The following ATRNL1 variants were observed in gnomAD, a reference collection of about 807,000 sequenced individuals.
The protein encoded by ATRNL1 is attractin-like protein 1.
ATRNL1 carries 95 observed loss-of-function variants against 182.7 expected under a neutral mutation model. The ratio of observed to expected loss-of-function variants is 0.52; its 90% CI spans 0.44 to 0.62. ATRNL1 has a LOEUF of 0.62. Among genes scored for constraint, ATRNL1 ranks in the 20% least tolerant of loss-of-function variants. ATRNL1 has a pLI of 0.00. For synonymous variants in ATRNL1, 576 were observed against 568.3 expected, an observed-to-expected ratio of 1.01 and a Z score of -0.19; for missense variants, 1,471 against 1,679.5, an observed-to-expected ratio of 0.88 and a Z score of 2.17.
At chr10:115,347,412 C>T (rs1261037904) in intron 19 of ATRNL1, among the ~76,000 whole-genome samples, 1 of 152,068 alleles carries the variant, frequency 6.6e-6, no homozygotes, top group Non-Finnish European at 1.5e-5. Flanking sequence ...CAATAAGTCA[C>T]ATCTGATGAA....
intron 26 of ATRNL1, among the ~76,000 whole-genome samples, chr10:115,658,506 C>T (rs1860477891): frequency 6.6e-6 from 1 of 151,886 alleles, no homozygotes; most frequent in South Asian, 2.1e-4. Context: ...GAGGTTTCAA[C>T]CTTTTTTAGT....
rs1204158065 is a variant in ATRNL1, at chr10:115,672,471, T to G, written c.3796-54777T>G. ...ATAAATTGAATCCTAAATTATAGCG[T>G]TTTAGAACATAATATATAAAAAAAG... On this transcript the variant is annotated intron_variant, in intron 26 of 28. Transcript: ENST00000355044. Among the ~76,000 whole-genome samples, 3 of 152,216 alleles carry G rather than the reference T, an allele frequency of 2.0e-5. No individual in the cohort carries two copies. In the East Asian group the frequency reaches 5.8e-4, roughly 29 times the overall value.
At chr10:115,115,873 G>A (rs1448286052) in intron 1 of ATRNL1, among the ~76,000 whole-genome samples, 10 of 152,062 alleles carry the variant, frequency 6.6e-5, no homozygotes, top group African/African-American at 2.4e-4. Context: ...TTTAATTTTA[G>A]TATTGTCTAA....
rs184003752 is a variant in ATRNL1 at position 115,250,244 on chromosome 10, A to T, written c.1687+8519A>T. 4.6e-5 allele frequency among the ~76,000 whole-genome samples: 7 copies of T among 152,272 alleles called. No individual in the cohort carries two copies. The East Asian group carries it at 1.4e-3, about 29-fold the overall frequency. On this transcript the variant is annotated intron_variant, in intron 10 of 28. Coordinates refer to ENST00000355044, the MANE Select transcript of ATRNL1 (RefSeq NM_207303.4). ...ACTAGCTCATGATTGCAAACTCTCAACACATAGTCACTTGATTACCCATGG... is the reference window on the plus strand; with the variant it reads ...ACTAGCTCATGATTGCAAACTCTCATCACATAGTCACTTGATTACCCATGG...
intron 27 of ATRNL1, among the ~76,000 whole-genome samples, chr10:115,732,296 G>A (rs1173564455): frequency 6.6e-6 from 1 of 152,114 alleles, no homozygotes; most frequent in Non-Finnish European, 1.5e-5. Context: ...TAACCATGAG[G>A]ATTTATTTCT....
chr10:115,909,621 T>TAAAAAAAAA (rs3031110), intron 28 of ATRNL1: 1 of 125,268 alleles, frequency 8.0e-6, no homozygotes, highest in Non-Finnish European at 1.6e-5. Flanking sequence ...TTGATAATGT[T>TAAAAAAAAA]AAAAAAAAAA....
chr10:115,483,664 A>G (rs1848876275), intron 24 of ATRNL1, among the ~76,000 whole-genome samples: 1 of 151,586 alleles, frequency 6.6e-6, no homozygotes, highest in Non-Finnish European at 1.5e-5. Context: ...GTTAGAAGAA[A>G]TCGTGTAATT....
intron 19 of ATRNL1, among the ~76,000 whole-genome samples, chr10:115,376,408 C>T (rs2134215260): frequency 6.6e-6 from 1 of 152,200 alleles, no homozygotes; most frequent in African/African-American, 2.4e-5. Flanking sequence ...CTGCCTTGGC[C>T]TCCCCAAGTA....
chr10:115,912,416 T>TTGTG (rs35956227), intron 28 of ATRNL1, among the ~76,000 whole-genome samples: 169 of 148,190 alleles, frequency 1.1e-3, no homozygotes, highest in African/African-American at 3.8e-3. Context: ...ATATATATAT[T>TTGTG]TGTGTGTGTG....
chr10:115,170,998 CATTAT>C, intron 7 of ATRNL1, 34 bp from the exon 8 acceptor site: 2 of 1,198,282 alleles, frequency 1.7e-6, no homozygotes, highest in Non-Finnish European at 2.3e-6. Flanking sequence ...TAAGATATAA[CATTAT>C]TTTATCTATT....
chr10:115,351,618 A>C (rs1447889898), intron 19 of ATRNL1, among the ~76,000 whole-genome samples: 1 of 152,164 alleles, frequency 6.6e-6, no homozygotes, highest in Admixed American at 6.6e-5. Flanking sequence ...CACCCCTGAG[A>C]TGAATCTTAC....
chr10:115,328,318 CAT>C (rs1356990183), intron 18 of ATRNL1, among the ~76,000 whole-genome samples: 5 of 152,008 alleles, frequency 3.3e-5, no homozygotes, highest in Admixed American at 6.6e-5. Flanking sequence ...AAAATATGCA[CAT>C]GTTTCACACG....
chr10:115,145,537 T>C (rs1351755699), intron 5 of ATRNL1, among the ~76,000 whole-genome samples: 3 of 152,172 alleles, frequency 2.0e-5, no homozygotes, highest in African/African-American at 7.2e-5. Flanking sequence ...ATATTTAAAA[T>C]AGACAAAAGT....
At chr10:115,155,214 G>A (rs1554881759) in intron 5 of ATRNL1, among the ~76,000 whole-genome samples, 1 of 151,404 alleles carries the variant, frequency 6.6e-6, no homozygotes, top group African/African-American at 2.4e-5. Flanking sequence ...GTTTCCTGCA[G>A]TTGGATCATG....
chr10:115,218,949 A>C (rs1343360044), intron 9 of ATRNL1, among the ~76,000 whole-genome samples: 15 of 152,122 alleles, frequency 9.9e-5, no homozygotes, highest in Non-Finnish European at 7.4e-5. Context: ...ATAAGAGAAG[A>C]CATGCGGCCG....
At chr10:115,266,753 CT>C (rs1171408987) in intron 11 of ATRNL1, 43 bp from the exon 12 acceptor site, 1 of 1,211,528 alleles carries the variant, frequency 8.3e-7, no homozygotes, top group Non-Finnish European at 1.2e-6. Context: ...TAGATAGGGA[CT>C]TTTAATAGCG....
At chr10:115,501,186 A>T (rs1302345487) in intron 24 of ATRNL1, among the ~76,000 whole-genome samples, 1 of 151,792 alleles carries the variant, frequency 6.6e-6, no homozygotes, top group Non-Finnish European at 1.5e-5. Context: ...CACCTGTTTT[A>T]GCCTCCCAAA....
chr10:115,370,202 A>T (rs1554947612), intron 19 of ATRNL1, among the ~76,000 whole-genome samples: 1 of 152,178 alleles, frequency 6.6e-6, no homozygotes, highest in Non-Finnish European at 1.5e-5. Flanking sequence ...TTCTTTTATA[A>T]ATTGCCCAGT....
chr10:115,579,882 G>A (rs569671609), intron 26 of ATRNL1, among the ~76,000 whole-genome samples: 2 of 151,672 alleles, frequency 1.3e-5, no homozygotes, highest in East Asian at 3.9e-4. Flanking sequence ...TGTGTAACTT[G>A]TATAGGTATT....
Sources: allele counts gnomAD v4.1 joint callset (sites outside exome capture counted in the v4.1 genomes callset), GRCh38; gene constraint gnomAD v4.1.1; transcripts MANE v1.5; gene names NCBI Gene and HGNC (gene_info 2026-07-23, HGNC 2026-07-21).